The following USP20 variants were observed in gnomAD, a reference collection of about 807,000 sequenced individuals.
The protein encoded by USP20 is ubiquitin specific peptidase 20.
A neutral mutation model predicts 124.2 loss-of-function variants in USP20; 80 were observed. The observed-to-expected ratio is 0.64, with a 90% CI of 0.54 to 0.78. USP20 has a LOEUF of 0.78. USP20 is among the 30% of genes least tolerant of loss of function. The pLI, the probability that USP20 is intolerant of heterozygous loss-of-function variation, is 0.00. For synonymous variants in USP20, 481 were observed against 512.3 expected (o/e 0.94, Z 0.83); for missense variants, 1,043 against 1,244.4 (o/e 0.84, Z 2.44).
Position 129,880,267 on chromosome 9 carries a change from C to T in USP20, c.2739C>T (p.Ala913=), listed in dbSNP as rs775422138. Residue 913 remains alanine (A), a synonymous_variant, in exon 25 of 26, where the codon GCC becomes GCT. Transcript: ENST00000372429. ...GEQKIEAETR[A]V The stretch of plus-strand genomic sequence containing the variant: ...AGAAGATCGAAGCCGAGACGCGGGC[C>T]GTGTGATCTGCTGGGCTAGTCTGTA... 6.3e-6 allele frequency: 10 copies of T among 1,595,982 alleles called. No homozygotes were observed. The highest frequency in any genetic ancestry group is 3.5e-5 in the Admixed American group (2 of 56,930).
intron 22 of USP20, among the ~76,000 whole-genome samples, 182 bp from the exon 23 acceptor site, chr9:129,878,150 CTCTGAG>C (rs1240300528): frequency 6.6e-6 from 1 of 152,208 alleles, no homozygotes; most frequent in Non-Finnish European, 1.5e-5. Context: ...CCACCGTCCT[CTCTGAG>C]TGATGGGTGT....
At chr9:129,865,144 A>T (rs2033759615) in intron 9 of USP20, among the ~76,000 whole-genome samples, 159 bp from the exon 10 acceptor site, 1 of 152,058 alleles carries the variant, frequency 6.6e-6, no homozygotes, top group Non-Finnish European at 1.5e-5. Context: ...GTCTGTAGAG[A>T]TGTGTGAGCC....
chr9:129,881,012 ACT>A lies in USP20; in HGVS notation c.*565_*566del, dbSNP rs2034617086. 6.6e-6 allele frequency: 1 copy of A among 151,788 alleles called. No individual in the cohort carries two copies. The highest frequency in any genetic ancestry group is 1.5e-5 in the Non-Finnish European group (1 of 68,054). 9.4% of individuals were successfully genotyped at this position (151,788 alleles called of 1,614,324 possible). On this transcript the variant is annotated 3_prime_UTR_variant, in exon 26 of 26. Coordinates refer to ENST00000372429, the MANE Select transcript of USP20 (RefSeq NM_001110303.4). ...TCAGCACTTCTCCTGCAGACTGAAG[ACT>A]CTGGACTCATTGCTGATTGGAACAC...
At chr9:129,860,785 C>G (rs2033501872) in intron 6 of USP20, 152 bp from the exon 7 acceptor site, 2 of 756,130 alleles carry the variant, frequency 2.6e-6, no homozygotes, top group African/African-American at 3.5e-5. Context: ...AATCCTATCT[C>G]TTTTCACAGT....
intron 6 of USP20, among the ~76,000 whole-genome samples, chr9:129,859,694 A>G (rs2033435035): frequency 6.6e-6 from 1 of 152,236 alleles, no homozygotes; most frequent in Non-Finnish European, 1.5e-5. Context: ...AAAACAGTAT[A>G]TGCAATATCT....
At chr9:129,877,157 G>A (rs1474991443) in intron 22 of USP20, among the ~76,000 whole-genome samples, 1 of 152,220 alleles carries the variant, frequency 6.6e-6, no homozygotes, top group Non-Finnish European at 1.5e-5. Flanking sequence ...GGGTTAGGAC[G>A]TGTTCCACTC....
At chr9:129,847,768 T>G (rs2032666466) in intron 1 of USP20, among the ~76,000 whole-genome samples, 1 of 152,178 alleles carries the variant, frequency 6.6e-6, no homozygotes. Flanking sequence ...AGAAAGTTCC[T>G]TCTTGTCTGC....
chr9:129,856,473 G>A, intron 4 of USP20, 113 bp downstream of exon 4: 2 of 1,263,108 alleles, frequency 1.6e-6, no homozygotes, highest in Non-Finnish European at 2.3e-6. Context: ...ATCCCTAGTG[G>A]GCACTGCCAG....
chr9:129,873,761 G>GGCAGCCTCCTCCTCA lies in USP20; in HGVS notation c.1740+20_1740+34dup. ...TTGCCCGAGGTGAGCCAGTGGCCTC[G>GGCAGCCTCCTCCTCA]GCAGCCTCCTCCTCAGCTATCTCGG... is the stretch of plus-strand genomic sequence containing the variant. On this transcript the variant is annotated intron_variant, in intron 17 of 25. Transcript: ENST00000372429. 1 of 1,609,764 alleles carries GGCAGCCTCCTCCTCA rather than the reference G, an allele frequency of 6.2e-7. No individual in the cohort carries two copies. The highest frequency in any genetic ancestry group is 8.5e-7 in the Non-Finnish European group (1 of 1,179,930).
At chr9:129,854,730 G>A (rs750109384) in intron 3 of USP20, among the ~76,000 whole-genome samples, 14 of 152,150 alleles carry the variant, frequency 9.2e-5, no homozygotes, top group Non-Finnish European at 1.5e-4. Flanking sequence ...TTGGGGCTGC[G>A]GTTTTGAGTC....
At position 129,869,676 on chromosome 9, in the gene USP20, C is replaced by T; in HGVS notation, c.1397C>T (p.Ser466Phe). ...GACTGACCTTCAACCCCACAGGTAT[C>T]CACCACAGTGGAAACGTTCCAGGAC... ...LVQCLTCDRVSTTVETFQDLS... is the reference protein window; with the variant it reads ...LVQCLTCDRVFTTVETFQDLS... The change falls in exon 14 of 26, where the codon TCC becomes TTC. Residue 466 changes from serine to phenylalanine, a missense_variant. Coordinates refer to ENST00000372429, the MANE Select transcript of USP20 (RefSeq NM_001110303.4). 1 of 1,614,068 alleles carries T rather than the reference C, an allele frequency of 6.2e-7. No individual in the cohort carries two copies. Among genetic ancestry groups the T allele is most frequent in the Non-Finnish European group, 8.5e-7 (1 of 1,180,012 alleles).
At position 129,868,340 on chromosome 9, in the gene USP20, G is replaced by A. The variant is rs1451343212; in HGVS notation, c.1026G>A (p.Glu342=). The change falls in exon 11 of 26, where the codon GAG becomes GAA. Residue 342 remains glutamate, a synonymous_variant. Transcript: ENST00000372429. Reference sequence around the variant, plus strand: ...GGGGCCAGCAGCGTACAAACTCGGAGCAAGTGGACGAGGACGCTGATGTGG... The same window carrying A: ...GGGGCCAGCAGCGTACAAACTCGGAACAAGTGGACGAGGACGCTGATGTGG... ...FSWGQQRTNS[E]QVDEDADVDT... 8 of 1,613,348 alleles carry A rather than the reference G, an allele frequency of 5.0e-6. No homozygotes were observed. The highest frequency in any genetic ancestry group is 1.3e-5 in the African/African-American group (1 of 74,924).
chr9:129,869,247 G>A, intron 12 of USP20, 63 bp from the exon 13 acceptor site: 3 of 1,522,846 alleles, frequency 2.0e-6, no homozygotes, highest in African/African-American at 1.4e-5. Context: ...GGAAGCCGCA[G>A]GGCCCGCACC....
intron 2 of USP20, among the ~76,000 whole-genome samples, chr9:129,850,156 G>A (rs1253097076): frequency 6.6e-6 from 1 of 152,152 alleles, no homozygotes; most frequent in African/African-American, 2.4e-5. Context: ...GTTGTTAATT[G>A]ATGAGTCTAG....
intron 8 of USP20, among the ~76,000 whole-genome samples, chr9:129,862,907 A>G (rs1465569238): frequency 8.5e-4 from 5 of 5,916 alleles, no homozygotes; most frequent in Non-Finnish European, 1.4e-3. Context: ...CTCTGTTTCA[A>G]AATAATAATA....
rs114792794 is a variant in USP20, at chr9:129,879,378, C to T, written c.2513-195C>T. The stretch of plus-strand genomic sequence containing the variant: ...GCCAGCACAGAGTCTGAGACCATCT[C>T]GTGTGTCCTGGAAATTCCCTCTGCT... On this transcript the variant is annotated intron_variant, in intron 23 of 25. Coordinates refer to ENST00000372429, the MANE Select transcript of USP20 (RefSeq NM_001110303.4). The surrounding 1 kb of genome is among the most constrained non-coding windows in gnomAD (Gnocchi z 4.2). 439 of 594,738 alleles carry T rather than the reference C, an allele frequency of 7.4e-4. 3 individuals carry two copies. In the African/African-American group the frequency reaches 7.5e-3, roughly 10 times the overall value. 36.8% of individuals were successfully genotyped at this position (594,738 alleles called of 1,614,324 possible).
rs570326221 is a variant in USP20 at position 129,860,893 on chromosome 9, G to A, written c.331-44G>A. The A allele has an allele frequency of 3.0e-4, 483 of 1,598,674 alleles. 4 individuals carry two copies. In the South Asian group the frequency reaches 5.1e-3, roughly 17 times the overall value. On this transcript the variant is annotated intron_variant, in intron 6 of 25. Transcript: ENST00000372429. ...GGAGACACCTGGGCCTCTGACCCCA[G>A]CCCCTCTGTTCACTGTTTTCCTCAC...
At chr9:129,855,974 A>G (rs2033192703) in intron 3 of USP20, among the ~76,000 whole-genome samples, 1 of 152,198 alleles carries the variant, frequency 6.6e-6, no homozygotes, top group African/African-American at 2.4e-5. Flanking sequence ...AGAAAGGAAG[A>G]GTAAGGGGTG....
chr9:129,876,158 C>T lies in USP20; in HGVS notation c.2329C>T (p.Leu777=), dbSNP rs1366289300. 1.2e-6 allele frequency: 2 copies of T among 1,613,444 alleles called. No individual in the cohort carries two copies. The highest frequency in any genetic ancestry group is 1.7e-5 in the Admixed American group (1 of 60,028). The change falls in exon 22 of 26, where the codon CTG becomes TTG. Residue 777 remains leucine, a synonymous_variant. Coordinates refer to ENST00000372429, the MANE Select transcript of USP20 (RefSeq NM_001110303.4). ...CGGGGGTGGCCCCGCCGTGAACCAC[C>T]TGTACGTGTGCTCCATCTGCCAGGT... is the stretch of plus-strand genomic sequence containing the variant. ...RFGGGPAVNH[L]YVCSICQVEI...
Sources: allele counts gnomAD v4.1 joint callset (sites outside exome capture counted in the v4.1 genomes callset), GRCh38; gene constraint gnomAD v4.1.1; non-coding constraint Gnocchi (gnomAD v3.1); transcripts MANE v1.5; gene names NCBI Gene and HGNC (gene_info 2026-07-23, HGNC 2026-07-21).